UGT1A10: variants seen among roughly 807,000 people sequenced by gnomAD.
UGT1A10 encodes the protein UDP glucuronosyltransferase family 1 member A10, also known as UDP-glucuronosyltransferase 1A10.
A neutral mutation model predicts 45.8 loss-of-function variants in UGT1A10; 49 were observed. The observed-to-expected ratio is 1.07, with a 90% CI of 0.85 to 1.36. The LOEUF (loss-of-function observed/expected upper bound fraction) is 1.36. Ranked by LOEUF, UGT1A10 falls within the 40% of genes most tolerant of loss-of-function variation. The pLI is 0.00. For missense variants in UGT1A10, 745 were observed against 668.6 expected (o/e 1.11, Z -1.26); for synonymous variants, 284 against 249.7 (o/e 1.14, Z -1.29).
intron 1 of UGT1A10, among the ~76,000 whole-genome samples, chr2:233,716,553 T>C (rs1004313369): frequency 1.3e-5 from 2 of 152,344 alleles, no homozygotes; most frequent in Middle Eastern, 3.4e-3. Flanking sequence ...CTTATATTCC[T>C]TTTTTCATTT....
intron 1 of UGT1A10, among the ~76,000 whole-genome samples, chr2:233,720,053 A>T (rs2076826594): frequency 6.6e-6 from 1 of 152,182 alleles, no homozygotes; most frequent in Non-Finnish European, 1.5e-5. Flanking sequence ...CTGAACGGTG[A>T]TGCAACAGTA....
intron 1 of UGT1A10, among the ~76,000 whole-genome samples, chr2:233,695,963 C>CTAATTCAGTTCT (rs2075316258): frequency 6.6e-6 from 1 of 152,174 alleles, no homozygotes; most frequent in Non-Finnish European, 1.5e-5. Flanking sequence ...TGGGTGTCCT[C>CTAATTCAGTTCT]TAATTCAGTT....
rs1337253310 is a variant in UGT1A10 at position 233,637,017 on chromosome 2, T to C, written c.495T>C (p.Ser165=). Residue 165 remains serine, a synonymous_variant, in exon 1 of 5, where the codon TCT becomes TCC. Transcript: ENST00000344644. ...TTGCTAAATATTTCTCCCTCCCCTC[T>C]GTGGTCTTCACCAGGGGAATATTTT... The part of the protein sequence containing the change: ...LIVAKYFSLP[S]VVFTRGIFCH... 1.9e-6 allele frequency: 3 copies of C among 1,614,092 alleles called. No individual in the cohort carries two copies. Among genetic ancestry groups the C allele is most frequent in the Non-Finnish European group, 1.7e-6 (2 of 1,179,948 alleles).
chr2:233,693,904 C>T (rs749571075), intron 1 of UGT1A10: 22 of 1,613,158 alleles, frequency 1.4e-5, no homozygotes, highest in Admixed American at 6.7e-5. Context: ...CTTGTTTCTT[C>T]CAGGCTCTGT....
chr2:233,686,715 G>A (rs138506626), intron 1 of UGT1A10, among the ~76,000 whole-genome samples: 93 of 152,138 alleles, frequency 6.1e-4, no homozygotes, highest in African/African-American at 2.1e-3. Flanking sequence ...CCCTCCCACC[G>A]GCTATGAAGG....
intron 1 of UGT1A10, among the ~76,000 whole-genome samples, chr2:233,757,565 T>C (rs1696654647): frequency 7.0e-6 from 1 of 141,992 alleles, no homozygotes; most frequent in African/African-American, 2.7e-5. Flanking sequence ...TATATATGTA[T>C]ATATGATATA....
At chr2:233,702,615 A>G (rs1053015833) in intron 1 of UGT1A10, among the ~76,000 whole-genome samples, 1 of 152,126 alleles carries the variant, frequency 6.6e-6, no homozygotes, top group Non-Finnish European at 1.5e-5. Flanking sequence ...TGCCCCCCAC[A>G]TTATGAGATT....
chr2:233,689,691 G>C (rs1033549121), intron 1 of UGT1A10, among the ~76,000 whole-genome samples: 1 of 152,206 alleles, frequency 6.6e-6, no homozygotes, highest in Non-Finnish European at 1.5e-5. Flanking sequence ...TCAGAGTTCA[G>C]TCGTTATTTC....
chr2:233,734,937 T>C lies in UGT1A10; in HGVS notation c.856-32097T>C, dbSNP rs140853448. 9.9e-3 allele frequency among the ~76,000 whole-genome samples: 1,505 copies of C among 152,312 alleles called. 23 individuals are homozygous for C. Among genetic ancestry groups the C allele is most frequent in the African/African-American group, 0.035 (1,436 of 41,556 alleles). On this transcript the variant is annotated intron_variant, in intron 1 of 4. Coordinates refer to ENST00000344644, the MANE Select transcript of UGT1A10 (RefSeq NM_019075.4). ...CTAAGGAGTGCTTTACTTACAATCA[T>C]ATGGTCAGTTTTAGAATAAGTGTGA...
At chr2:233,671,170 C>T (rs1286828386) in intron 1 of UGT1A10, among the ~76,000 whole-genome samples, 1 of 152,142 alleles carries the variant, frequency 6.6e-6, no homozygotes, top group African/African-American at 2.4e-5. Context: ...GGAGTGATGG[C>T]GTGTTTAGAA....
chr2:233,645,488 G>A (rs747874758), intron 1 of UGT1A10, among the ~76,000 whole-genome samples: 38 of 152,186 alleles, frequency 2.5e-4, no homozygotes, highest in Non-Finnish European at 4.6e-4. Context: ...CCACCTATGG[G>A]CCTGTAAAAT....
At position 233,698,499 on chromosome 2, in the gene UGT1A10, G is replaced by A. The variant is rs547342944; in HGVS notation, c.855+61122G>A. Among the ~76,000 whole-genome samples, 3 of 152,270 alleles carry A rather than the reference G, an allele frequency of 2.0e-5. No homozygotes were observed. In the South Asian group the frequency reaches 6.2e-4, roughly 32 times the overall value. ...AGCTTAAAAATGCAGTCCTCATTAG[G>A]CAAATCACATAATCGGCAATACATA... On this transcript the variant is annotated intron_variant, in intron 1 of 4. Transcript: ENST00000344644.
intron 1 of UGT1A10, 76 bp downstream of exon 1, chr2:233,637,453 G>T: frequency 6.6e-7 from 1 of 1,509,224 alleles, no homozygotes; most frequent in Non-Finnish European, 8.8e-7. Context: ...ACTGAACTGT[G>T]ATTTGACATT....
At chr2:233,705,110 T>A (rs896314646) in intron 1 of UGT1A10, among the ~76,000 whole-genome samples, 45 of 146,348 alleles carry the variant, frequency 3.1e-4, no homozygotes, top group African/African-American at 1.2e-3. Flanking sequence ...CACGCCAGCC[T>A]GGGGGACAAG....
chr2:233,647,938 G>A, intron 1 of UGT1A10: 1 of 1,605,208 alleles, frequency 6.2e-7, no homozygotes, highest in South Asian at 1.1e-5. Context: ...GCCCATGGAT[G>A]GGAGCCACTG....
intron 1 of UGT1A10, chr2:233,718,078 G>T (rs1030624873): frequency 1.2e-5 from 4 of 342,356 alleles, no homozygotes; most frequent in African/African-American, 4.3e-5. Flanking sequence ...TGCTAGGGTT[G>T]TCTTGCCCAT....
At chr2:233,754,832 T>G (rs773754133) in intron 1 of UGT1A10, 4 of 1,342,732 alleles carry the variant, frequency 3.0e-6, no homozygotes, top group Non-Finnish European at 4.0e-6. Context: ...AAGCTGGAAA[T>G]TCACTGAAGG....
chr2:233,711,636 C>T (rs1021848724), intron 1 of UGT1A10, among the ~76,000 whole-genome samples: 1 of 152,184 alleles, frequency 6.6e-6, no homozygotes, highest in African/African-American at 2.4e-5. Flanking sequence ...GCTGCCTGTC[C>T]CATGGGTTCT....
intron 1 of UGT1A10, among the ~76,000 whole-genome samples, chr2:233,667,517 C>T (rs2125496234): frequency 6.6e-6 from 1 of 152,262 alleles, no homozygotes; most frequent in East Asian, 1.9e-4. Flanking sequence ...GCAACAAAAG[C>T]CAAAATTGAC....
Sources: allele counts gnomAD v4.1 joint callset (sites outside exome capture counted in the v4.1 genomes callset), GRCh38; gene constraint gnomAD v4.1.1; transcripts MANE v1.5; gene names NCBI Gene and HGNC (gene_info 2026-07-23, HGNC 2026-07-21).